The following PHACTR1 variants were observed in gnomAD, a reference collection of about 807,000 sequenced individuals.
PHACTR1 encodes phosphatase and actin regulator 1.
Under a neutral mutation model 69.2 loss-of-function variants are expected in PHACTR1, and 16 were observed. The observed-to-expected ratio is 0.23, with a 90% confidence interval of 0.16 to 0.35. The LOEUF is 0.35. Ranked by LOEUF, PHACTR1 falls within the 10% of genes least tolerant of loss-of-function variation. PHACTR1 has a pLI of 1.00. For synonymous variants in PHACTR1, 312 were observed against 284.5 expected (o/e 1.10, Z -0.97); for missense variants, 510 against 734.7 (o/e 0.69, Z 3.54).
chr6:13,241,089 A>G (rs911884302), intron 10 of PHACTR1, among the ~76,000 whole-genome samples: 11 of 152,246 alleles, frequency 7.2e-5, no homozygotes, highest in African/African-American at 2.6e-4. Context: ...CTTCCCTCCC[A>G]AGGACCTGTG....
chr6:13,276,950 C>T lies in PHACTR1; in HGVS notation c.1448-1318C>T, dbSNP rs58699038. ...TGAGCCAACTAGTGTCCCAGGCAGT[C>T]GTGATGCACCCTATGCCAAAATCAA... On this transcript the variant is annotated intron_variant, in intron 11 of 14. Transcript: ENST00000332995. Among the ~76,000 whole-genome samples, 601 of 152,264 alleles carry T rather than the reference C, an allele frequency of 3.9e-3. 3 individuals carry two copies. Among genetic ancestry groups the T allele is most frequent in the African/African-American group, 0.014 (582 of 41,532 alleles).
At chr6:12,983,753 G>T (rs1276788735) in intron 4 of PHACTR1, among the ~76,000 whole-genome samples, 1 of 152,030 alleles carries the variant, frequency 6.6e-6, no homozygotes, top group East Asian at 1.9e-4. Flanking sequence ...GTGTCCAAGT[G>T]TTCTCATTGT....
intron 4 of PHACTR1, among the ~76,000 whole-genome samples, chr6:13,039,929 T>C (rs927211956): frequency 6.6e-6 from 1 of 152,210 alleles, no homozygotes; most frequent in Admixed American, 6.5e-5. Context: ...AAACAGATGA[T>C]GCTTTTGCAT....
chr6:13,252,327 C>CAAA lies in PHACTR1; in HGVS notation c.1392-20519_1392-20517dup, dbSNP rs373475742. Among the ~76,000 whole-genome samples the CAAA allele has an allele frequency of 5.4e-3, 444 of 82,612 alleles. 5 individuals are homozygous for CAAA. Among genetic ancestry groups the CAAA allele is most frequent in the African/African-American group, 0.015 (431 of 29,148 alleles). The allele number at this position is 82,612 out of a possible 152,430, so 54.2% of individuals were successfully genotyped here. A position where few individuals can be genotyped will look rare whatever the true frequency, so the allele number is the denominator to read the frequency against. Reference sequence around the variant, plus strand: ...TGAGCAACGGAGCAAGATCCTGTCTCAAAAAAAAAAAAAAAAGAAAAAGGA... The same window carrying CAAA: ...TGAGCAACGGAGCAAGATCCTGTCTCAAAAAAAAAAAAAAAAAAAGAAAAAGGA... On this transcript the variant is annotated intron_variant, in intron 10 of 14. Coordinates refer to ENST00000332995, the MANE Select transcript of PHACTR1 (RefSeq NM_030948.6).
chr6:13,207,043 ACATGTACACACACACACATG>A (rs1378184045), intron 8 of PHACTR1, among the ~76,000 whole-genome samples: 1 of 152,132 alleles, frequency 6.6e-6, no homozygotes, highest in African/African-American at 2.4e-5. Context: ...ACGCACATAC[ACATGTACACACACACACATG>A]CATGCACACA....
intron 4 of PHACTR1, among the ~76,000 whole-genome samples, chr6:12,998,272 A>G (rs1043513926): frequency 5.9e-5 from 9 of 152,248 alleles, no homozygotes; most frequent in African/African-American, 1.9e-4. Context: ...CTTTAAAAAG[A>G]GAATATAGGT....
chr6:12,769,289 A>G (rs781720000), intron 4 of PHACTR1, among the ~76,000 whole-genome samples: 1 of 152,236 alleles, frequency 6.6e-6, no homozygotes, highest in Non-Finnish European at 1.5e-5. Flanking sequence ...CATTCATGCT[A>G]TGTATACATG....
At chr6:13,232,175 T>C (rs1168258420) in intron 10 of PHACTR1, among the ~76,000 whole-genome samples, 1 of 152,232 alleles carries the variant, frequency 6.6e-6, no homozygotes, top group Admixed American at 6.5e-5. Context: ...AAGCAATCAG[T>C]TACCTGTTTT....
chr6:12,918,224 A>G (rs989864922), intron 4 of PHACTR1, among the ~76,000 whole-genome samples: 6 of 152,128 alleles, frequency 3.9e-5, no homozygotes, highest in African/African-American at 9.7e-5. Flanking sequence ...AAGGCTGGCT[A>G]TTTGGCCCAC....
intron 4 of PHACTR1, among the ~76,000 whole-genome samples, chr6:12,780,650 G>A (rs922325384): frequency 1.1e-4 from 16 of 152,096 alleles, no homozygotes; most frequent in Admixed American, 6.6e-5. Context: ...CGTAAACAGC[G>A]ACATGCTCAA....
chr6:12,887,725 G>T (rs1783776138), intron 4 of PHACTR1, among the ~76,000 whole-genome samples: 1 of 152,064 alleles, frequency 6.6e-6, no homozygotes, highest in Non-Finnish European at 1.5e-5. Flanking sequence ...GAAGCATATT[G>T]TTATGGTCTG....
At chr6:12,911,860 C>T (rs942224678) in intron 4 of PHACTR1, among the ~76,000 whole-genome samples, 1 of 152,190 alleles carries the variant, frequency 6.6e-6, no homozygotes, top group African/African-American at 2.4e-5. Flanking sequence ...GTGAAATCCT[C>T]TCCAGAAAGC....
intron 4 of PHACTR1, among the ~76,000 whole-genome samples, chr6:12,973,412 T>C (rs1794470146): frequency 6.6e-6 from 1 of 152,212 alleles, no homozygotes; most frequent in African/African-American, 2.4e-5. Context: ...ATTATTATTA[T>C]TAGTTAATAA....
In PHACTR1 at chr6:13,205,835, T is replaced by C. The variant is rs1314344415; in HGVS notation, c.685T>C (p.Leu229=). The change falls in exon 8 of 15, where the codon TTG becomes CTG. Residue 229 remains leucine, a synonymous_variant. Transcript: ENST00000332995. Reference sequence around the variant, plus strand: ...CACAGATCCTGGCGCCCCTGTGAAATTGCCTTGTCTGCCAGTGAAACTGTC... The same window carrying C: ...CACAGATCCTGGCGCCCCTGTGAAACTGCCTTGTCTGCCAGTGAAACTGTC... ...DGPDPGAPVK[L]PCLPVKLSPP... 1 of 1,588,846 alleles carries C rather than the reference T, an allele frequency of 6.3e-7. No homozygotes were observed. The highest frequency in any genetic ancestry group is 8.6e-7 in the Non-Finnish European group (1 of 1,160,596).
chr6:12,731,822 G>A (rs996942610), intron 3 of PHACTR1, among the ~76,000 whole-genome samples: 1 of 152,162 alleles, frequency 6.6e-6, no homozygotes, highest in Non-Finnish European at 1.5e-5. Context: ...TACGAGCAAA[G>A]ACATCCATGT....
intron 3 of PHACTR1, among the ~76,000 whole-genome samples, chr6:12,739,995 G>T (rs980991572): frequency 6.6e-6 from 1 of 152,146 alleles, no homozygotes; most frequent in Non-Finnish European, 1.5e-5. Context: ...ATTTCCTTGT[G>T]CTCCGTCCAA....
intron 5 of PHACTR1, among the ~76,000 whole-genome samples, chr6:13,095,670 A>T (rs961073832): frequency 6.6e-6 from 1 of 151,160 alleles, no homozygotes; most frequent in Non-Finnish European, 1.5e-5. Flanking sequence ...ATGCAGGCAA[A>T]GGGTGGAGGA....
intron 5 of PHACTR1, among the ~76,000 whole-genome samples, chr6:13,111,825 A>G (rs975995761): frequency 1.3e-5 from 2 of 152,014 alleles, no homozygotes; most frequent in Admixed American, 6.6e-5. Flanking sequence ...TCTTCCTGCC[A>G]TATTTCCCTT....
intron 3 of PHACTR1, among the ~76,000 whole-genome samples, chr6:12,735,473 G>A (rs1764120408): frequency 6.6e-6 from 1 of 152,114 alleles, no homozygotes; most frequent in African/African-American, 2.4e-5. Flanking sequence ...TTTTTACAGG[G>A]GCAGGACAAT....
Sources: allele counts gnomAD v4.1 joint callset (sites outside exome capture counted in the v4.1 genomes callset), GRCh38; gene constraint gnomAD v4.1.1; transcripts MANE v1.5; gene names NCBI Gene and HGNC (gene_info 2026-07-23, HGNC 2026-07-21).